MCF2L2: variants seen among roughly 807,000 people sequenced by gnomAD.
MCF2L2 encodes the protein MCF.2 cell line derived transforming sequence-like 2.
MCF2L2 carries 102 observed loss-of-function variants against 150.2 expected under a neutral mutation model. The observed-to-expected ratio is 0.68, with a 90% CI of 0.58 to 0.80. The LOEUF is 0.80. MCF2L2 is among the 30% of genes least tolerant of loss of function. The pLI is 0.00. For missense variants in MCF2L2, 1,256 were observed against 1,372.8 expected, an observed-to-expected ratio of 0.91 and a Z score of 1.34; for synonymous variants, 465 against 491.3, an observed-to-expected ratio of 0.95 and a Z score of 0.71.
intron 15 of MCF2L2, among the ~76,000 whole-genome samples, chr3:183,257,892 T>C (rs1725191996): frequency 6.7e-6 from 1 of 149,132 alleles, no homozygotes; most frequent in South Asian, 2.2e-4. Context: ...TTCTCTTATG[T>C]GCTTAAAAAA....
chr3:183,242,768 C>T (rs1274239450), intron 15 of MCF2L2, among the ~76,000 whole-genome samples: 1 of 152,196 alleles, frequency 6.6e-6, no homozygotes, highest in African/African-American at 2.4e-5. Flanking sequence ...ATCCTCCAGA[C>T]TCCAGAATGG....
At chr3:183,287,786 T>A (rs1166499382) in intron 14 of MCF2L2, 1 of 152,184 alleles carries the variant, frequency 6.6e-6, no homozygotes, top group Non-Finnish European at 1.5e-5. Context: ...CTAAGAAAAG[T>A]CTGCTGAGAA....
At chr3:183,278,500 A>G (rs946756546) in intron 14 of MCF2L2, among the ~76,000 whole-genome samples, 1 of 152,190 alleles carries the variant, frequency 6.6e-6, no homozygotes, top group Non-Finnish European at 1.5e-5. Context: ...GAACTAATTA[A>G]TACAGCAGTG....
At chr3:183,239,782 T>C (rs193182001) in intron 15 of MCF2L2, among the ~76,000 whole-genome samples, 1 of 152,348 alleles carries the variant, frequency 6.6e-6, no homozygotes, top group Non-Finnish European at 1.5e-5. Flanking sequence ...TCCAGGCTTC[T>C]GTCCTTCCTG....
intron 3 of MCF2L2, among the ~76,000 whole-genome samples, chr3:183,358,678 T>C (rs1254667191): frequency 6.6e-6 from 1 of 152,178 alleles, no homozygotes; most frequent in African/African-American, 2.4e-5. Context: ...TGGAGTATAG[T>C]GGCTTGATCA....
intron 1 of MCF2L2, among the ~76,000 whole-genome samples, chr3:183,405,776 C>T (rs1306332160): frequency 1.3e-5 from 2 of 152,146 alleles, no homozygotes; most frequent in Non-Finnish European, 2.9e-5. Context: ...AGTGCAGTGG[C>T]GTGATCTTGG....
chr3:183,343,363 A>G (rs1730774273), intron 3 of MCF2L2, among the ~76,000 whole-genome samples: 1 of 149,354 alleles, frequency 6.7e-6, no homozygotes. Flanking sequence ...ATCCAACATG[A>G]TAACTTGATT....
chr3:183,405,429 T>C (rs889827245), intron 1 of MCF2L2, among the ~76,000 whole-genome samples: 1 of 151,078 alleles, frequency 6.6e-6, no homozygotes, highest in Non-Finnish European at 1.5e-5. Context: ...CGTTTAAGCA[T>C]CGACACAATC....
At position 183,179,331 on chromosome 3, in the gene MCF2L2, G is replaced by A; in HGVS notation, c.*49C>T. 2.2e-6 allele frequency: 3 copies of A among 1,388,288 alleles called. No homozygotes were observed. Among genetic ancestry groups the A allele is most frequent in the Non-Finnish European group, 2.8e-6 (3 of 1,074,348 alleles). The allele number at this position is 1,388,288 out of a possible 1,614,324, so 86.0% of individuals were successfully genotyped here. On this transcript the variant is annotated 3_prime_UTR_variant, in exon 30 of 30. Coordinates refer to ENST00000328913, the MANE Select transcript of MCF2L2 (RefSeq NM_015078.4). The surrounding 1 kb of genome is among the most constrained non-coding windows in gnomAD (Gnocchi z 4.2). ...CCCGGGCCCCCACACCGCCTCTCCC[G>A]GGAATGCGGGCGCTCTGGAGCCGAG...
rs1366141181 is a variant in MCF2L2, at chr3:183,179,279, G to A, written c.*101C>T. The A allele has an allele frequency of 1.3e-5, 18 of 1,339,962 alleles. No homozygotes were observed. The highest frequency in any genetic ancestry group is 1.7e-5 in the Non-Finnish European group (18 of 1,048,372). The allele number at this position is 1,339,962 out of a possible 1,614,324, so 83.0% of individuals were successfully genotyped here. ...CCCTTTCTGCCGCCGCCGAGGCTCC[G>A]GCTGCTTTCTGCGTAGCTGGGCAGG... On this transcript the variant is annotated 3_prime_UTR_variant, in exon 30 of 30. Coordinates refer to ENST00000328913, the MANE Select transcript of MCF2L2 (RefSeq NM_015078.4). The surrounding 1 kb of genome is among the most constrained non-coding windows in gnomAD (Gnocchi z 4.2).
intron 15 of MCF2L2, among the ~76,000 whole-genome samples, chr3:183,268,825 G>C (rs1726418575): frequency 6.6e-6 from 1 of 152,196 alleles, no homozygotes. Context: ...TACAAAGGCA[G>C]TGCTTGTTGG....
chr3:183,427,540 G>A (rs1716229914), intron 1 of MCF2L2, among the ~76,000 whole-genome samples: 1 of 152,122 alleles, frequency 6.6e-6, no homozygotes, highest in Admixed American at 6.5e-5. Flanking sequence ...TTCCTCTTAT[G>A]CCCTCTCCTT....
intron 15 of MCF2L2, among the ~76,000 whole-genome samples, chr3:183,274,097 C>A (rs1322164760): frequency 6.6e-6 from 1 of 152,066 alleles, no homozygotes; most frequent in Non-Finnish European, 1.5e-5. Context: ...CACCAGTAAT[C>A]CCAACTACTC....
chr3:183,323,070 G>A (rs1729878332), intron 6 of MCF2L2, among the ~76,000 whole-genome samples, 165 bp downstream of exon 6: 3 of 152,048 alleles, frequency 2.0e-5, no homozygotes, highest in South Asian at 4.2e-4. Context: ...CCCAGCCTTC[G>A]CCCTTCCACA....
intron 15 of MCF2L2, among the ~76,000 whole-genome samples, chr3:183,266,407 C>G (rs1255234927): frequency 1.3e-5 from 2 of 152,188 alleles, no homozygotes; most frequent in East Asian, 3.8e-4. Context: ...ACTGCAGATG[C>G]TTTTCAGTTG....
intron 20 of MCF2L2, among the ~76,000 whole-genome samples, chr3:183,221,881 G>A (rs1378839281): frequency 1.3e-5 from 2 of 152,174 alleles, no homozygotes; most frequent in African/African-American, 2.4e-5. Context: ...GCTTCATAAC[G>A]ATCTTATGGA....
At chr3:183,219,110 T>C (rs1310975909) in intron 21 of MCF2L2, among the ~76,000 whole-genome samples, 8 of 152,052 alleles carry the variant, frequency 5.3e-5, no homozygotes, top group Non-Finnish European at 2.9e-5. Flanking sequence ...TAAGGGAACT[T>C]TGGCAGACTC....
At position 183,276,903 on chromosome 3, in the gene MCF2L2, G is replaced by A; in HGVS notation, c.1831C>T (p.Gln611Ter). The change falls in exon 15 of 30, where the codon CAG becomes TAG. Residue 611 changes from glutamine (Q) to a stop codon, truncating the protein, a stop_gained. Coordinates refer to ENST00000328913, the MANE Select transcript of MCF2L2 (RefSeq NM_015078.4). LOFTEE classifies it high-confidence loss of function. ...GGGGAAAGGTCTCCGAGCCTGGCCT[G>A]CTGCTCCAGCTCAGGGTTCCCCCTT... ...HERGNPELEQ[Q>*]ARLGDLSPRR... is the part of the protein sequence containing the mutation. 3 of 1,611,166 alleles carry A rather than the reference G, an allele frequency of 1.9e-6. No individual in the cohort carries two copies. The highest frequency in any genetic ancestry group is 2.5e-6 in the Non-Finnish European group (3 of 1,178,578).
chr3:183,407,552 C>T (rs1715106439), intron 1 of MCF2L2, among the ~76,000 whole-genome samples: 1 of 152,190 alleles, frequency 6.6e-6, no homozygotes, highest in African/African-American at 2.4e-5. Flanking sequence ...ATTCTCCTCC[C>T]TCTTTCTTCT....
Sources: gnomAD v4.1 joint callset for allele counts (sites outside exome capture counted in the v4.1 genomes callset) on GRCh38, gnomAD v4.1.1 for gene constraint, Gnocchi (gnomAD v3.1) non-coding constraint, MANE v1.5 for transcripts, NCBI Gene and HGNC (gene_info 2026-07-23, HGNC 2026-07-21) for gene names.